PCSK4: variants seen among roughly 807,000 people sequenced by gnomAD.
PCSK4 encodes the protein testicular tissue protein Li 135.
In PCSK4, 64 loss-of-function variants were observed where a neutral mutation model predicts 80.3. The ratio of observed to expected loss-of-function variants is 0.80; its 90% CI spans 0.65 to 0.98. The LOEUF is 0.98. Among genes scored for constraint, PCSK4 ranks in the 50% least tolerant of loss-of-function variants. PCSK4 has a pLI of 0.00. For synonymous variants in PCSK4, 561 were observed against 487.6 expected (o/e 1.15, Z -1.98); for missense variants, 1,213 against 1,093.6 (o/e 1.11, Z -1.54).
chr19:1,482,215 G>A lies in PCSK4; in HGVS notation c.1820-8C>T. 1 of 1,529,536 alleles carries A rather than the reference G, an allele frequency of 6.5e-7. No individual in the cohort carries two copies. Among genetic ancestry groups the A allele is most frequent in the Non-Finnish European group, 8.7e-7 (1 of 1,143,440 alleles). The allele number at this position is 1,529,536 out of a possible 1,614,324, so 94.7% of individuals were successfully genotyped here. ...AGGCGGGGCCGTCACACGCTGCTCG[G>A]GGACACGCACGCAAAGGCCCGTCAG... On this transcript the variant is annotated splice_region_variant and splice_polypyrimidine_tract_variant and intron_variant, in intron 14 of 14. Coordinates refer to ENST00000300954, the Ensembl canonical transcript of PCSK4.
At chr19:1,482,757 C>G in intron 13 of PCSK4, 139 bp downstream of exon 13, 2 of 926,028 alleles carry the variant, frequency 2.2e-6, no homozygotes, top group South Asian at 3.2e-5. Context: ...GGTGACTGCA[C>G]GCCTACTGTG....
At chr19:1,489,763 G>C (rs763879340) in intron 2 of PCSK4, 30 bp downstream of exon 2, 21 of 1,586,342 alleles carry the variant, frequency 1.3e-5, no homozygotes, top group Admixed American at 1.1e-4. Flanking sequence ...GAGACCCCGG[G>C]CAGGGGGTTG....
At chr19:1,481,711 CT>C in exon 15 of PCSK4, 1 of 1,330,220 alleles carries the variant, frequency 7.5e-7, no homozygotes, top group Admixed American at 2.7e-5. Context: ...GCAGCAGTGC[CT>C]GTCAGGGACC....
rs1334079548 is a variant in PCSK4 at position 1,484,138 on chromosome 19, AG to A, written c.1069-12del. The stretch of plus-strand genomic sequence containing the variant: ...CAGGTCCGTGGTGACCTGAGGGCAG[AG>A]GGGGGTGGGACTCGGGGGGCCGTGC... On this transcript the variant is annotated splice_polypyrimidine_tract_variant and intron_variant, in intron 8 of 14. Coordinates refer to ENST00000300954, the Ensembl canonical transcript of PCSK4. 14 of 1,510,594 alleles carry A rather than the reference AG, an allele frequency of 9.3e-6. No homozygotes were observed. Among genetic ancestry groups the A allele is most frequent in the Non-Finnish European group, 6.3e-6 (7 of 1,114,424 alleles). 93.6% of individuals were successfully genotyped at this position (1,510,594 alleles called of 1,614,324 possible).
At chr19:1,484,470 G>T (rs1163978527) in intron 8 of PCSK4, among the ~76,000 whole-genome samples, 1 of 151,520 alleles carries the variant, frequency 6.6e-6, no homozygotes, top group Non-Finnish European at 1.5e-5. Context: ...TCCAGCCTGG[G>T]CAACAGAGCC....
chr19:1,487,850 G>A (rs1170072250), exon 5 of PCSK4: 2 of 1,550,132 alleles, frequency 1.3e-6, no homozygotes, highest in South Asian at 2.4e-5. Flanking sequence ...AGTCATAGCT[G>A]GCCAGGGGGT....
intron 6 of PCSK4, 107 bp from the exon 7 acceptor site, chr19:1,487,420 T>A: frequency 6.6e-6 from 7 of 1,059,876 alleles, no homozygotes; most frequent in Non-Finnish European, 6.8e-6. Context: ...CTGGGCCCTC[T>A]CTCTGCTCCC....
At position 1,483,480 on chromosome 19, in the gene PCSK4, G is replaced by A. The variant is rs377195678; in HGVS notation, c.1392-17C>T. 1.2e-5 allele frequency: 19 copies of A among 1,553,182 alleles called. No homozygotes were observed. Among genetic ancestry groups the A allele is most frequent in the Non-Finnish European group, 1.7e-5 (19 of 1,145,368 alleles). On this transcript the variant is annotated splice_polypyrimidine_tract_variant and intron_variant, in intron 11 of 14. Coordinates refer to ENST00000300954, the Ensembl canonical transcript of PCSK4. ...AGGATGGGGCTGAGGGGGTCGAGGG[G>A]TGAGGACCCTCCTGCGGCCTGCTGG...
exon 10 of PCSK4, chr19:1,483,933 A>C: frequency 2.8e-6 from 4 of 1,435,602 alleles, no homozygotes; most frequent in Non-Finnish European, 3.7e-6. Flanking sequence ...TCTCCACGTC[A>C]GGAACGGGCT....
chr19:1,483,627 G>GTA (rs778597297), intron 11 of PCSK4, 23 bp downstream of exon 11: 1 of 1,542,168 alleles, frequency 6.5e-7, no homozygotes, highest in Non-Finnish European at 8.8e-7. Flanking sequence ...CGGGGATAGC[G>GTA]GAGGGGCGCG....
intron 2 of PCSK4, among the ~76,000 whole-genome samples, chr19:1,488,493 C>A (rs1050937615): frequency 1.3e-5 from 2 of 151,936 alleles, no homozygotes; most frequent in Non-Finnish European, 2.9e-5. Context: ...GTTGCTGCCG[C>A]GGGTGACTGC....
At chr19:1,490,096 G>A (rs2084864681) in intron 1 of PCSK4, 62 bp downstream of exon 1, 2 of 1,586,682 alleles carry the variant, frequency 1.3e-6, no homozygotes, top group African/African-American at 2.7e-5. Context: ...CCCCTTGTCG[G>A]GGTCTAGGGT....
chr19:1,482,940 A>G (rs2084381574), exon 13 of PCSK4: 3 of 1,523,424 alleles, frequency 2.0e-6, no homozygotes, highest in African/African-American at 1.4e-5. Context: ...CAGGGTCCAC[A>G]CGCCCTGTGG....
intron 2 of PCSK4, chr19:1,489,496 C>T (rs1442898249): frequency 2.4e-6 from 1 of 418,442 alleles, no homozygotes; most frequent in Non-Finnish European, 4.4e-6. Flanking sequence ...CATCCCATGA[C>T]CTAGACGGTG....
At position 1,487,776 on chromosome 19, in the gene PCSK4, C is replaced by A; in HGVS notation, c.593+9G>T. 1 of 1,569,402 alleles carries A rather than the reference C, an allele frequency of 6.4e-7. No homozygotes were observed. The highest frequency in any genetic ancestry group is 1.2e-5 in the South Asian group (1 of 86,396). On this transcript the variant is annotated intron_variant, in intron 5 of 14. Transcript: ENST00000300954. Reference sequence around the variant, plus strand: ...GGCTTCCCCCGTGTGCTGTGGGAGCCCTGCTCACCGGTTCTCTTTGCTGGG... The same window carrying A: ...GGCTTCCCCCGTGTGCTGTGGGAGCACTGCTCACCGGTTCTCTTTGCTGGG...
exon 9 of PCSK4, chr19:1,484,069 G>T (rs1343038836): frequency 6.4e-7 from 1 of 1,564,788 alleles, no homozygotes; most frequent in Admixed American, 1.9e-5. Context: ...CGCCAGTGGG[G>T]CTGAGGCCGA....
exon 15 of PCSK4, chr19:1,482,132 C>A: frequency 6.4e-7 from 1 of 1,557,316 alleles, no homozygotes; most frequent in Admixed American, 1.8e-5. Flanking sequence ...GGTCACCAGC[C>A]TTGTGTGGTT....
chr19:1,487,006 G>C lies in PCSK4; in HGVS notation c.915C>G (p.Tyr305Ter), dbSNP rs776152533. 1.2e-6 allele frequency: 2 copies of C among 1,609,370 alleles called. No individual in the cohort carries two copies. The highest frequency in any genetic ancestry group is 8.5e-7 in the Non-Finnish European group (1 of 1,179,844). Residue 305 changes from tyrosine (Y) to a stop codon, truncating the protein, a stop_gained, in exon 8 of 15, where the codon TAC (tyrosine) becomes TAG (stop). Coordinates refer to ENST00000300954, the Ensembl canonical transcript of PCSK4. LOFTEE classifies it high-confidence loss of function. ...TGTAGCCGTCGCAGTTGCAGTTGTC[G>C]TAGTGCAGGCCGCCGTTGCCCGAGG...
In PCSK4 at chr19:1,487,986, T is replaced by A. The variant is rs1016702288; in HGVS notation, c.494A>T (p.His165Leu). 20 of 1,612,984 alleles carry A rather than the reference T, an allele frequency of 1.2e-5. No homozygotes were observed. The highest frequency in any genetic ancestry group is 1.7e-5 in the Non-Finnish European group (20 of 1,179,622). Residue 165 changes from histidine (H) to leucine (L), a missense_variant, in exon 4 of 15, where the codon CAC becomes CTC. By Grantham distance (99) the His-to-Leu change is moderately conservative (BLOSUM62 -3). Transcript: ENST00000300954. ...CACGTAGTTGGCCCAGAGGTCCGGG[T>A]GGTCCTTCTCGATGCCATCGTCCAG...
Sources: allele counts gnomAD v4.1 joint callset (sites outside exome capture counted in the v4.1 genomes callset), GRCh38; gene constraint gnomAD v4.1.1; transcripts MANE v1.5; gene names NCBI Gene and HGNC (gene_info 2026-07-23, HGNC 2026-07-21).